Variants in CD109 observed in about 807,000 individuals in gnomAD.
The protein encoded by CD109 is CD109 antigen.
A neutral mutation model predicts 165.8 loss-of-function variants in CD109; 149 were observed. That is an observed-to-expected ratio of 0.90 (90% CI 0.79 to 1.03). The LOEUF (loss-of-function observed/expected upper bound fraction) is 1.03, where lower values mean the gene tolerates loss of function less well. CD109 is among the 50% of genes least tolerant of loss of function. The pLI, the probability that CD109 is intolerant of heterozygous loss-of-function variation, is 0.00. For synonymous variants in CD109, 585 were observed against 592.1 expected (o/e 0.99, Z 0.18); for missense variants, 1,712 against 1,677.8 (o/e 1.02, Z -0.36).
At chr6:73,756,943 T>C (rs1773417768) in intron 6 of CD109, among the ~76,000 whole-genome samples, 1 of 152,234 alleles carries the variant, frequency 6.6e-6, no homozygotes, top group Non-Finnish European at 1.5e-5. Flanking sequence ...TTTCTATTTT[T>C]CTACTTTGTT....
At chr6:73,758,488 C>T (rs1432257024) in intron 6 of CD109, among the ~76,000 whole-genome samples, 4 of 152,040 alleles carry the variant, frequency 2.6e-5, no homozygotes, top group African/African-American at 9.7e-5. Flanking sequence ...TGGGTTCAAG[C>T]GATTCTCCTG....
chr6:73,709,416 G>T (rs1020413544), intron 2 of CD109, among the ~76,000 whole-genome samples: 2 of 152,196 alleles, frequency 1.3e-5, no homozygotes, highest in Non-Finnish European at 2.9e-5. Context: ...TCGTAGTATA[G>T]TTTGAAGTCA....
intron 5 of CD109, among the ~76,000 whole-genome samples, chr6:73,741,793 C>T (rs1772794107): frequency 1.3e-5 from 2 of 152,128 alleles, no homozygotes; most frequent in African/African-American, 4.8e-5. Flanking sequence ...GCCTCAGCCT[C>T]CTGAGTAGCT....
intron 32 of CD109, among the ~76,000 whole-genome samples, chr6:73,822,905 G>C (rs559438588): frequency 6.6e-6 from 1 of 151,450 alleles, no homozygotes; most frequent in Admixed American, 6.5e-5. Flanking sequence ...TGAGTTCACT[G>C]TGGTGTTATA....
chr6:73,825,244 G>T lies in CD109; in HGVS notation c.*1611G>T, dbSNP rs936723210. 1 of 152,204 alleles carries T rather than the reference G, an allele frequency of 6.6e-6. No homozygotes were observed. Among genetic ancestry groups the T allele is most frequent in the Non-Finnish European group, 1.5e-5 (1 of 68,032 alleles). The allele number at this position is 152,204 out of a possible 1,614,324, so 9.4% of individuals were successfully genotyped here. On this transcript the variant is annotated 3_prime_UTR_variant, in exon 33 of 33. Transcript: ENST00000287097. The stretch of plus-strand genomic sequence containing the variant: ...AGATCCCCAGACAGTGGTCTATGAA[G>T]AGGGCAGTTAAGTATCAAATACTTA...
At chr6:73,817,039 C>A (rs1775961347) in intron 30 of CD109, among the ~76,000 whole-genome samples, 1 of 152,134 alleles carries the variant, frequency 6.6e-6, no homozygotes, top group Non-Finnish European at 1.5e-5. Flanking sequence ...GATTTAAATG[C>A]TGCTACTAGT....
At chr6:73,795,426 G>C (rs1398030902) in intron 23 of CD109, among the ~76,000 whole-genome samples, 1 of 152,026 alleles carries the variant, frequency 6.6e-6, no homozygotes, top group Non-Finnish European at 1.5e-5. Context: ...CCTACAAAAT[G>C]AATGGTCCAA....
intron 24 of CD109, among the ~76,000 whole-genome samples, chr6:73,805,558 C>T (rs1421101266): frequency 1.3e-5 from 2 of 152,228 alleles, no homozygotes; most frequent in Non-Finnish European, 2.9e-5. Flanking sequence ...TAATCCTCCT[C>T]AGCACAGACC....
chr6:73,691,262 T>C (rs1770686046), upstream of CD109, among the ~76,000 whole-genome samples: 1 of 152,172 alleles, frequency 6.6e-6, no homozygotes, highest in African/African-American at 2.4e-5. Flanking sequence ...CCAATGTCCA[T>C]CTGATTGGGG....
intron 30 of CD109, 117 bp from the exon 31 acceptor site, chr6:73,818,271 A>T: frequency 9.8e-7 from 1 of 1,016,676 alleles, no homozygotes. Context: ...ATTTTATTTG[A>T]ACTCAAACAG....
At chr6:73,725,504 C>CTTCTTT (rs747396382) in intron 3 of CD109, among the ~76,000 whole-genome samples, 89 of 89,266 alleles carry the variant, frequency 1.0e-3, no homozygotes, top group Non-Finnish European at 1.7e-3. Context: ...TACTACACTT[C>CTTCTTT]TTTTTTTTTT....
chr6:73,783,846 T>C (rs1224841515), intron 19 of CD109, 22 bp downstream of exon 19: 7 of 1,344,964 alleles, frequency 5.2e-6, no homozygotes, highest in Non-Finnish European at 7.4e-6. Context: ...AAGAGCTGCT[T>C]ATCAGTATTA....
chr6:73,702,216 G>T (rs1771110401), intron 2 of CD109, among the ~76,000 whole-genome samples: 1 of 151,858 alleles, frequency 6.6e-6, no homozygotes, highest in Non-Finnish European at 1.5e-5. Flanking sequence ...TTCCTTTGTT[G>T]TCTTTCTCAC....
At chr6:73,774,660 A>G (rs887895552) in intron 15 of CD109, among the ~76,000 whole-genome samples, 2 of 152,206 alleles carry the variant, frequency 1.3e-5, no homozygotes, top group Non-Finnish European at 2.9e-5. Context: ...TGAAGTTGCC[A>G]GGACTGTGTG....
chr6:73,680,768 T>A, the CD109 span, among the ~76,000 whole-genome samples: 1 of 152,346 alleles, frequency 6.6e-6, no homozygotes, highest in African/African-American at 2.4e-5. Context: ...TCCAGTGCTT[T>A]CTACCTCTCA....
At chr6:73,710,940 G>A (rs1771514998) in intron 2 of CD109, among the ~76,000 whole-genome samples, 1 of 152,160 alleles carries the variant, frequency 6.6e-6, no homozygotes, top group South Asian at 2.1e-4. Context: ...CTTTATTTAT[G>A]GATGCTGAAA....
intron 26 of CD109, among the ~76,000 whole-genome samples, chr6:73,809,285 T>G (rs1212119963): frequency 1.3e-5 from 2 of 152,006 alleles, no homozygotes; most frequent in African/African-American, 2.4e-5. Flanking sequence ...CTTCAGATAA[T>G]GAAAATGGGA....
Position 73,811,217 on chromosome 6 carries a change from G to C in CD109, c.3702+70G>C, listed in dbSNP as rs565089248. 348 of 1,481,968 alleles carry C rather than the reference G, an allele frequency of 2.3e-4. 1 individual carries two copies. Among genetic ancestry groups the C allele is most frequent in the Middle Eastern group, 1.4e-3 (8 of 5,652 alleles). 91.8% of individuals were successfully genotyped at this position (1,481,968 alleles called of 1,614,324 possible). A position where few individuals can be genotyped will look rare whatever the true frequency, so the allele number is the denominator to read the frequency against. ...TTTATGCTGGAATACTGCTTTATTT[G>C]TAATCTGTTGATTTCAACAAAGACT... On this transcript the variant is annotated intron_variant, in intron 28 of 32. Coordinates refer to ENST00000287097, the MANE Select transcript of CD109 (RefSeq NM_133493.5).
intron 5 of CD109, among the ~76,000 whole-genome samples, chr6:73,738,519 AAG>A (rs1168391717): frequency 1.3e-5 from 2 of 152,224 alleles, no homozygotes; most frequent in African/African-American, 2.4e-5. Flanking sequence ...TAAGTACCAG[AAG>A]AGAGGGGGAT....
Sources: allele counts gnomAD v4.1 joint callset (sites outside exome capture counted in the v4.1 genomes callset), GRCh38; gene constraint gnomAD v4.1.1; transcripts MANE v1.5; gene names NCBI Gene and HGNC (gene_info 2026-07-23, HGNC 2026-07-21).